The following PPARGC1A variants were observed in gnomAD, a reference collection of about 807,000 sequenced individuals.
The protein encoded by PPARGC1A is PPARG coactivator 1 alpha.
PPARGC1A carries 25 observed loss-of-function variants against 88.7 expected under a neutral mutation model. The ratio of observed to expected loss-of-function variants is 0.28; its 90% CI spans 0.21 to 0.39. The LOEUF (loss-of-function observed/expected upper bound fraction) is 0.39, where lower values mean the gene tolerates loss of function less well. Among genes scored for constraint, PPARGC1A ranks in the 10% least tolerant of loss-of-function variants. The pLI, the probability that PPARGC1A is intolerant of heterozygous loss-of-function variation, is 1.00. For synonymous variants in PPARGC1A, 363 were observed against 355.6 expected (o/e 1.02, Z -0.24); for missense variants, 880 against 968.7 (o/e 0.91, Z 1.22).
chr4:24,349,487 G>A, the PPARGC1A span, among the ~76,000 whole-genome samples: 1 of 152,160 alleles, frequency 6.6e-6, no homozygotes, highest in Non-Finnish European at 1.5e-5. Context: ...AGCTGCTGTG[G>A]GGAATGGGGA....
At chr4:23,927,748 G>A in the PPARGC1A span, among the ~76,000 whole-genome samples, 1 of 152,130 alleles carries the variant, frequency 6.6e-6, no homozygotes, top group Non-Finnish European at 1.5e-5. Context: ...CATCAGAAGG[G>A]ATGGAATCTT....
chr4:23,956,992 T>G, the PPARGC1A span, among the ~76,000 whole-genome samples: 1 of 152,110 alleles, frequency 6.6e-6, no homozygotes, highest in Non-Finnish European at 1.5e-5. Context: ...TGCACCAAGT[T>G]ACAGTGCTCG....
At chr4:24,059,425 GCCCAAGCAAGC>G in the PPARGC1A span, among the ~76,000 whole-genome samples, 2 of 152,274 alleles carry the variant, frequency 1.3e-5, no homozygotes, top group East Asian at 3.9e-4. Context: ...CCCATAACAA[GCCCAAGCAAGC>G]TGTTTTCAAA....
chr4:24,189,304 C>T, the PPARGC1A span, among the ~76,000 whole-genome samples: 3 of 152,016 alleles, frequency 2.0e-5, no homozygotes, highest in Admixed American at 6.6e-5. Context: ...AATTTCTATG[C>T]TATGTGTATT....
chr4:23,868,142 G>C (rs1712450370), intron 2 of PPARGC1A, among the ~76,000 whole-genome samples: 1 of 152,126 alleles, frequency 6.6e-6, no homozygotes, highest in Non-Finnish European at 1.5e-5. Context: ...TTCTCGGGGA[G>C]AGAAGAGTAA....
At chr4:24,208,896 T>A in the PPARGC1A span, among the ~76,000 whole-genome samples, 9 of 152,102 alleles carry the variant, frequency 5.9e-5, no homozygotes, top group Admixed American at 3.9e-4. Context: ...ATCAGCACTT[T>A]GTGATGGGAA....
chr4:23,966,684 T>A, the PPARGC1A span, among the ~76,000 whole-genome samples: 1 of 152,328 alleles, frequency 6.6e-6, no homozygotes, highest in African/African-American at 2.4e-5. Flanking sequence ...GAATATGGAC[T>A]CTCTCAACTA....
chr4:23,894,220 A>C (rs1718247393), upstream of PPARGC1A, among the ~76,000 whole-genome samples: 1 of 152,144 alleles, frequency 6.6e-6, no homozygotes. Context: ...CAGAAAGCAA[A>C]GGGGCCTGCC....
At chr4:24,262,425 G>A in the PPARGC1A span, among the ~76,000 whole-genome samples, 2 of 152,114 alleles carry the variant, frequency 1.3e-5, no homozygotes, top group African/African-American at 4.8e-5. Flanking sequence ...GTGAGGCTCT[G>A]ACAGTACCCA....
the PPARGC1A span, among the ~76,000 whole-genome samples, chr4:24,055,320 A>G: frequency 6.6e-6 from 1 of 152,154 alleles, no homozygotes; most frequent in African/African-American, 2.4e-5. Flanking sequence ...TTCATTCAAG[A>G]AGTAGTGGTG....
the PPARGC1A span, among the ~76,000 whole-genome samples, chr4:23,958,989 G>A: frequency 3.4e-5 from 5 of 147,266 alleles, no homozygotes; most frequent in African/African-American, 1.3e-4. Context: ...AATGACTTTA[G>A]CTAGTACTCT....
the PPARGC1A span, among the ~76,000 whole-genome samples, chr4:24,056,886 C>A: frequency 1.3e-5 from 2 of 152,166 alleles, no homozygotes; most frequent in African/African-American, 4.8e-5. Flanking sequence ...AGAAAAACAG[C>A]ATGGTGGTTC....
At chr4:24,459,655 T>TG in the PPARGC1A span, among the ~76,000 whole-genome samples, 8 of 152,220 alleles carry the variant, frequency 5.3e-5, no homozygotes, top group Non-Finnish European at 1.2e-4. Context: ...CCAGGCATGG[T>TG]GTTGCACACC....
the PPARGC1A span, among the ~76,000 whole-genome samples, chr4:24,454,884 T>C: frequency 1.4e-5 from 2 of 147,634 alleles, no homozygotes; most frequent in Non-Finnish European, 3.0e-5. Flanking sequence ...CTGATTTCCA[T>C]CCATGAGTAG....
chr4:23,996,990 G>A, the PPARGC1A span, among the ~76,000 whole-genome samples: 3 of 152,192 alleles, frequency 2.0e-5, no homozygotes, highest in Admixed American at 6.5e-5. Flanking sequence ...TCAGAAGGCT[G>A]CAAGCTCTGT....
the PPARGC1A span, among the ~76,000 whole-genome samples, chr4:24,106,875 C>A: frequency 2.1e-3 from 320 of 152,310 alleles, no homozygotes; most frequent in African/African-American, 7.3e-3. Flanking sequence ...AGAGCCTGGC[C>A]TAGCAGCAGA....
intron 2 of PPARGC1A, among the ~76,000 whole-genome samples, chr4:23,862,127 G>C (rs574231256): frequency 4.1e-4 from 63 of 152,338 alleles, no homozygotes; most frequent in Non-Finnish European, 7.3e-4. Flanking sequence ...AAATGGAAGT[G>C]TCTACAGCTC....
chr4:24,425,705 A>C, the PPARGC1A span, among the ~76,000 whole-genome samples: 1 of 152,222 alleles, frequency 6.6e-6, no homozygotes, highest in East Asian at 1.9e-4. Context: ...AAGCTGTCAG[A>C]ATGAGGTTTC....
At chr4:24,111,482 T>C in the PPARGC1A span, among the ~76,000 whole-genome samples, 1 of 152,224 alleles carries the variant, frequency 6.6e-6, no homozygotes, top group Admixed American at 6.5e-5. Flanking sequence ...AGATTGTTAA[T>C]AAAAATGTTG....
Sources: allele counts gnomAD v4.1 joint callset (sites outside exome capture counted in the v4.1 genomes callset), GRCh38; gene constraint gnomAD v4.1.1; transcripts MANE v1.5; gene names NCBI Gene and HGNC (gene_info 2026-07-23, HGNC 2026-07-21).